The following ZSCAN25 variants were observed in gnomAD, a reference collection of about 807,000 sequenced individuals.
The protein encoded by ZSCAN25 is zinc finger and SCAN domain-containing protein 25.
In ZSCAN25, 27 loss-of-function variants were observed where a neutral mutation model predicts 38.7. That is an observed-to-expected ratio of 0.70 (90% confidence interval 0.51 to 0.96). The LOEUF is 0.96. Among genes scored for constraint, ZSCAN25 ranks in the 40% least tolerant of loss-of-function variants. The pLI is 0.00. For synonymous variants in ZSCAN25, 273 were observed against 277.7 expected, an observed-to-expected ratio of 0.98 and a Z score of 0.17; for missense variants, 637 against 705.9, an observed-to-expected ratio of 0.90 and a Z score of 1.11.
chr7:99,676,586 A>G, the ZSCAN25 span: 3 of 1,349,524 alleles, frequency 2.2e-6, no homozygotes, highest in Non-Finnish European at 2.9e-6. Context: ...CCTAGGTAGA[A>G]AGAGTAAGAT....
At chr7:99,651,892 C>T in the ZSCAN25 span, among the ~76,000 whole-genome samples, 5 of 152,132 alleles carry the variant, frequency 3.3e-5, no homozygotes, top group African/African-American at 7.2e-5. Context: ...CAGATAGGAC[C>T]AGGAGGACCT....
At chr7:99,671,787 C>CA in the ZSCAN25 span, 1 of 702,428 alleles carries the variant, frequency 1.4e-6, no homozygotes, top group South Asian at 1.5e-5. Context: ...GAGAAAAAGA[C>CA]AAACTCCATG....
At chr7:99,645,796 T>A in the ZSCAN25 span, among the ~76,000 whole-genome samples, 1 of 151,850 alleles carries the variant, frequency 6.6e-6, no homozygotes, top group Non-Finnish European at 1.5e-5. Flanking sequence ...CATTTTTTAA[T>A]TTTTTTTTCT....
At chr7:99,650,990 T>G in the ZSCAN25 span, among the ~76,000 whole-genome samples, 3 of 152,242 alleles carry the variant, frequency 2.0e-5, no homozygotes, top group Admixed American at 2.0e-4. Flanking sequence ...GAAAAAATGT[T>G]GATTCAAAGA....
the ZSCAN25 span, chr7:99,699,817 A>G: frequency 1.7e-6 from 1 of 580,208 alleles, no homozygotes; most frequent in Non-Finnish European, 3.1e-6. Flanking sequence ...CATAAGATCA[A>G]TAATAACCTC....
chr7:99,728,808 G>T, the ZSCAN25 span, among the ~76,000 whole-genome samples: 3 of 152,016 alleles, frequency 2.0e-5, no homozygotes, highest in African/African-American at 2.4e-5. Context: ...GGAATAGCAG[G>T]TATTTCAACT....
At chr7:99,717,843 T>A in the ZSCAN25 span, among the ~76,000 whole-genome samples, 1 of 152,210 alleles carries the variant, frequency 6.6e-6, no homozygotes, top group African/African-American at 2.4e-5. Flanking sequence ...TATCCCAGTC[T>A]CCTTTTACAT....
chr7:99,621,265 A>C lies in ZSCAN25; in HGVS notation c.388-108A>C, dbSNP rs529914135. On this transcript the variant is annotated intron_variant, in intron 4 of 7. Coordinates refer to ENST00000394152, the MANE Select transcript of ZSCAN25 (RefSeq NM_145115.3). ...GCTGATTTTTCCTTCCTCTCCCCTGAAGCTGGAATGGTTCTTTTCTTGGTT... is the reference window on the plus strand; with the variant it reads ...GCTGATTTTTCCTTCCTCTCCCCTGCAGCTGGAATGGTTCTTTTCTTGGTT... The C allele has an allele frequency of 1.8e-4, 190 of 1,033,350 alleles. No individual in the cohort carries two copies. In the African/African-American group the frequency reaches 2.7e-3, roughly 15 times the overall value. The allele number at this position is 1,033,350 out of a possible 1,614,324, so 64.0% of individuals were successfully genotyped here.
chr7:99,725,602 G>C, the ZSCAN25 span, among the ~76,000 whole-genome samples: 8 of 152,330 alleles, frequency 5.3e-5, no homozygotes, highest in Admixed American at 3.9e-4. Flanking sequence ...CTCCTAAGCC[G>C]TGCCCTGTCT....
the ZSCAN25 span, among the ~76,000 whole-genome samples, chr7:99,691,267 G>A: frequency 6.6e-6 from 1 of 151,646 alleles, no homozygotes; most frequent in Non-Finnish European, 1.5e-5. Flanking sequence ...CACAGGAAGG[G>A]GAACATCACA....
the ZSCAN25 span, among the ~76,000 whole-genome samples, chr7:99,678,568 G>A: frequency 1.3e-5 from 2 of 152,312 alleles, no homozygotes; most frequent in African/African-American, 4.8e-5. Flanking sequence ...TTCAGGAAAG[G>A]TGACATTATT....
chr7:99,717,172 C>CT, the ZSCAN25 span: 5 of 1,613,856 alleles, frequency 3.1e-6, no homozygotes, highest in Middle Eastern at 3.3e-4. Flanking sequence ...TGTGCTCCTA[C>CT]TTACTGTTTC....
the ZSCAN25 span, chr7:99,730,993 T>C: frequency 6.3e-7 from 1 of 1,591,238 alleles, no homozygotes; most frequent in Non-Finnish European, 8.6e-7. Flanking sequence ...GAAGCATTTT[T>C]ACTGATGGAA....
the ZSCAN25 span, chr7:99,670,960 A>G: frequency 6.6e-6 from 1 of 152,210 alleles, no homozygotes; most frequent in Non-Finnish European, 1.5e-5. Flanking sequence ...TTAGCTAGAT[A>G]TGTACATTTT....
At chr7:99,666,630 TG>T in the ZSCAN25 span, 12 of 1,613,942 alleles carry the variant, frequency 7.4e-6, no homozygotes, top group African/African-American at 1.3e-4. Flanking sequence ...TGCCTTTCTC[TG>T]CTTCCCGCCT....
chr7:99,662,131 TG>T, the ZSCAN25 span, among the ~76,000 whole-genome samples: 5 of 152,208 alleles, frequency 3.3e-5, no homozygotes, highest in Non-Finnish European at 5.9e-5. This position sits in a 1 kb window ranked among gnomAD's most constrained non-coding sequence, Gnocchi z 4.3. Context: ...ATGTTTAAAG[TG>T]GTATACTGGA....
Position 99,632,370 on chromosome 7 carries a change from T to A in ZSCAN25, c.*2350T>A. 1.7e-6 allele frequency: 1 copy of A among 578,200 alleles called. No individual in the cohort carries two copies. The highest frequency in any genetic ancestry group is 2.2e-6 in the Non-Finnish European group (1 of 458,322). The allele number at this position is 578,200 out of a possible 1,614,324, so 35.8% of individuals were successfully genotyped here. A position where few individuals can be genotyped will look rare whatever the true frequency, so the allele number is the denominator to read the frequency against. On this transcript the variant is annotated 3_prime_UTR_variant, in exon 8 of 8. Transcript: ENST00000394152. ...CCTATATAAATAAATCCTTATGTAT[T>A]TATCATTTGACTTTATTATAAACTC...
the ZSCAN25 span, among the ~76,000 whole-genome samples, chr7:99,729,087 A>G: frequency 6.6e-6 from 1 of 152,128 alleles, no homozygotes; most frequent in African/African-American, 2.4e-5. Context: ...CAGCCAGGCA[A>G]ATACTTATTT....
chr7:99,653,450 C>CAAATAAATAAAT, the ZSCAN25 span, among the ~76,000 whole-genome samples: 3,666 of 145,444 alleles, frequency 0.025, 68 homozygotes, highest in South Asian at 0.033. The surrounding 1 kb of genome is among the most constrained non-coding windows in gnomAD (Gnocchi z 4.2). Context: ...GACCCTGTCT[C>CAAATAAATAAAT]AAATAAATAA....
Sources: allele counts gnomAD v4.1 joint callset (sites outside exome capture counted in the v4.1 genomes callset), GRCh38; gene constraint gnomAD v4.1.1; non-coding constraint Gnocchi (gnomAD v3.1); transcripts MANE v1.5; gene names NCBI Gene and HGNC (gene_info 2026-07-23, HGNC 2026-07-21).